TFRC: variants seen among roughly 807,000 people sequenced by gnomAD.
TFRC encodes transferrin receptor protein 1.
In TFRC, 35 loss-of-function variants were observed where a neutral mutation model predicts 85.8. The observed-to-expected ratio is 0.41, with a 90% CI of 0.31 to 0.54. The LOEUF (loss-of-function observed/expected upper bound fraction) is 0.54. Ranked by LOEUF, TFRC falls within the 20% of genes least tolerant of loss-of-function variation. The probability of loss-of-function intolerance (pLI) is 0.31; values close to 1 mark genes in which losing one functional copy is unlikely to be tolerated. For missense variants in TFRC, 828 were observed against 921.5 expected, an observed-to-expected ratio of 0.90 and a Z score of 1.31; for synonymous variants, 362 against 328.6, an observed-to-expected ratio of 1.10 and a Z score of -1.10.
intron 9 of TFRC, among the ~76,000 whole-genome samples, chr3:196,066,634 A>T (rs1577237171): frequency 1.3e-5 from 2 of 152,214 alleles, no homozygotes; most frequent in East Asian, 3.8e-4. Flanking sequence ...GGTAGGTAGA[A>T]TGAGTCAAAA....
chr3:196,071,968 T>C, intron 5 of TFRC, 35 bp downstream of exon 5: 1 of 1,594,402 alleles, frequency 6.3e-7, no homozygotes, highest in African/African-American at 1.4e-5. Context: ...AAATAGCTAC[T>C]TGTATAAAAA....
chr3:196,075,057 A>T (rs1251901131), intron 3 of TFRC, 102 bp downstream of exon 3: 14 of 706,776 alleles, frequency 2.0e-5, no homozygotes, highest in Admixed American at 3.4e-5. Flanking sequence ...AAAAAAAAAA[A>T]AAAAAAAAAT....
At chr3:196,062,536 A>T (rs1365741921) in intron 13 of TFRC, 46 bp downstream of exon 13, 2 of 1,562,572 alleles carry the variant, frequency 1.3e-6, no homozygotes, top group Non-Finnish European at 1.8e-6. Context: ...TCCATCTCAA[A>T]AAAGTTTACC....
intron 17 of TFRC, among the ~76,000 whole-genome samples, chr3:196,054,485 T>G (rs963618087): frequency 6.6e-5 from 10 of 152,108 alleles, no homozygotes; most frequent in African/African-American, 2.4e-4. Context: ...AATTAAGAGA[T>G]CTGTTAAAAA....
chr3:196,075,885 G>T (rs917661355), intron 2 of TFRC, among the ~76,000 whole-genome samples: 2 of 151,026 alleles, frequency 1.3e-5, no homozygotes, highest in South Asian at 2.1e-4. Context: ...CAGCACTCTG[G>T]GGGGGGCCGA....
Position 196,072,152 on chromosome 3 carries a change from C to T in TFRC, c.435G>A (p.Lys145=), listed in dbSNP as rs1371711187. ...GGACATATGAATTTTCATTCAGCAG[C>T]CTGGAGGAGAAAATGCCTTTTAAAT... ...LDSTDFTGTI[K]LLNENSYVPR... Residue 145 remains lysine, a splice_region_variant and synonymous_variant, in exon 5 of 19, where the codon AAG becomes AAA. Transcript: ENST00000360110. 4 of 1,611,802 alleles carry T rather than the reference C, an allele frequency of 2.5e-6. No homozygotes were observed. Among genetic ancestry groups the T allele is most frequent in the African/African-American group, 1.3e-5 (1 of 74,864 alleles).
chr3:196,062,868 T>C lies in TFRC; in HGVS notation c.1390A>G (p.Thr464Ala), dbSNP rs745590497. 1.9e-6 allele frequency: 3 copies of C among 1,614,136 alleles called. No individual in the cohort carries two copies. The highest frequency in any genetic ancestry group is 3.3e-5 in the Admixed American group (2 of 60,014). ...SAGDFGSVGA[T>A]EWLEGYLSSL... Reference sequence around the variant, plus strand: ...ATAAAGAATACCTCTAGCCATTCAGTGGCACCAACCGATCCAAAGTCTCCA... The same window carrying C: ...ATAAAGAATACCTCTAGCCATTCAGCGGCACCAACCGATCCAAAGTCTCCA... The change falls in exon 12 of 19, where the codon ACT (threonine) becomes GCT (alanine). Residue 464 changes from threonine to alanine, a missense_variant. Thr to Ala is a moderately conservative substitution (Grantham distance 58, BLOSUM62 0). Transcript: ENST00000360110.
At chr3:196,059,966 T>C (rs1259620734) in intron 14 of TFRC, among the ~76,000 whole-genome samples, 4 of 152,198 alleles carry the variant, frequency 2.6e-5, no homozygotes, top group Non-Finnish European at 5.9e-5. Flanking sequence ...GGCATTTTGT[T>C]ATATATTCCT....
At chr3:196,058,457 C>G (rs13088791) in intron 15 of TFRC, 92 bp from the exon 16 acceptor site, 2 of 1,480,958 alleles carry the variant, frequency 1.4e-6, no homozygotes, top group Non-Finnish European at 1.9e-6. Context: ...AATTCTTTAG[C>G]TGAATATCTT....
At chr3:196,071,365 A>C in intron 6 of TFRC, 31 bp downstream of exon 6, 19 of 1,537,414 alleles carry the variant, frequency 1.2e-5, no homozygotes, top group Non-Finnish European at 1.6e-5. Flanking sequence ...TCAATAGGGA[A>C]GAGTCTCATG....
In TFRC at chr3:196,054,942, C is replaced by T; in HGVS notation, c.1899+138G>A. ...TCTCTCAAACAAGTTACCAATTCTA[C>T]ATACAATTATACCTCAGTTCACTTT... On this transcript the variant is annotated intron_variant, in intron 17 of 18. Transcript: ENST00000360110. 3.5e-6 allele frequency: 3 copies of T among 858,812 alleles called. No homozygotes were observed. The East Asian group carries it at 7.7e-5, about 22-fold the overall frequency. The allele number at this position is 858,812 out of a possible 1,614,324, so 53.2% of individuals were successfully genotyped here.
intron 14 of TFRC, among the ~76,000 whole-genome samples, chr3:196,059,325 AAAAC>A (rs560570167): frequency 5.3e-4 from 80 of 152,216 alleles, no homozygotes; most frequent in Non-Finnish European, 7.5e-4. Flanking sequence ...CTCCATCTCA[AAAAC>A]AAACAAACAA....
At chr3:196,077,615 G>T (rs1000045371) in intron 1 of TFRC, among the ~76,000 whole-genome samples, 1 of 152,068 alleles carries the variant, frequency 6.6e-6, no homozygotes, top group Non-Finnish European at 1.5e-5. Context: ...AGCCGGACGT[G>T]GTGGTGGGCG....
rs2108650944 is a variant in TFRC, at chr3:196,069,463, C to A, written c.793G>T (p.Ala265Ser). 6.3e-7 allele frequency: 1 copy of A among 1,597,188 alleles called. No homozygotes were observed. Among genetic ancestry groups the A allele is most frequent in the East Asian group, 2.2e-5 (1 of 44,714 alleles). Residue 265 changes from alanine (A) to serine (S), a missense_variant, in exon 7 of 19, where the codon GCA becomes TCA. Transcript: ENST00000360110. ...TAATAACTCATACTCACCTTTTCTGCAAAGGTGATTTTCCCTGCTCTGACA... is the reference window on the plus strand; with the variant it reads ...TAATAACTCATACTCACCTTTTCTGAAAAGGTGATTTTCCCTGCTCTGACA... Reference protein sequence around the residue: ...VIVRAGKITFAEKVANAESLN... With the variant: ...VIVRAGKITFSEKVANAESLN...
chr3:196,073,402 C>T (rs1577249175), intron 4 of TFRC, among the ~76,000 whole-genome samples: 2 of 151,888 alleles, frequency 1.3e-5, no homozygotes, highest in African/African-American at 4.8e-5. Flanking sequence ...AGCACGCCAC[C>T]GTATTCCAGC....
At chr3:196,071,961 T>C (rs1463841422) in intron 5 of TFRC, 42 bp downstream of exon 5, 3 of 1,590,766 alleles carry the variant, frequency 1.9e-6, no homozygotes, top group African/African-American at 2.7e-5. Flanking sequence ...CACCTGAAAA[T>C]AGCTACTTGT....
chr3:196,054,065 C>T (rs1184516139), intron 17 of TFRC, among the ~76,000 whole-genome samples: 2 of 152,084 alleles, frequency 1.3e-5, no homozygotes, highest in African/African-American at 4.8e-5. Flanking sequence ...GGTAAAACCC[C>T]GGCTCTACTA....
At chr3:196,075,484 CT>C in intron 2 of TFRC, 124 bp from the exon 3 acceptor site, 1 of 906,172 alleles carries the variant, frequency 1.1e-6, no homozygotes, top group South Asian at 1.6e-5. Context: ...GGGTGTTCTC[CT>C]TTCAAACCAA....
chr3:196,065,422 G>GGA lies in TFRC; in HGVS notation c.1198+20_1198+21insTC. 3 of 501,656 alleles carry GGA rather than the reference G, an allele frequency of 6.0e-6. 1 individual carries two copies. The highest frequency in any genetic ancestry group is 5.4e-6 in the Non-Finnish European group (2 of 373,448). 31.1% of individuals were successfully genotyped at this position (501,656 alleles called of 1,614,324 possible). On this transcript the variant is annotated intron_variant, in intron 10 of 18. Coordinates refer to ENST00000360110, the MANE Select transcript of TFRC (RefSeq NM_001128148.3). The stretch of plus-strand genomic sequence containing the variant: ...AAAACAAAAAAAAAGCGGGGCGGGG[G>GGA]GGGGGGGGGGCGGTCTTTACCTGGT...
Sources: allele counts gnomAD v4.1 joint callset (sites outside exome capture counted in the v4.1 genomes callset), GRCh38; gene constraint gnomAD v4.1.1; transcripts MANE v1.5; gene names NCBI Gene and HGNC (gene_info 2026-07-23, HGNC 2026-07-21).